The following ZNF280D variants were observed in gnomAD, a reference collection of about 807,000 sequenced individuals.
ZNF280D encodes the protein zinc finger protein 280D.
A neutral mutation model predicts 94.7 loss-of-function variants in ZNF280D; 39 were observed. The observed-to-expected ratio is 0.41, with a 90% confidence interval of 0.32 to 0.54. The LOEUF is 0.54. Among genes scored for constraint, ZNF280D ranks in the 20% least tolerant of loss-of-function variants. The probability of loss-of-function intolerance (pLI) is 0.22; values close to 1 mark genes in which losing one functional copy is unlikely to be tolerated. For synonymous variants in ZNF280D, 398 were observed against 377.6 expected, an observed-to-expected ratio of 1.05 and a Z score of -0.63; for missense variants, 1,090 against 1,149.3, an observed-to-expected ratio of 0.95 and a Z score of 0.75.
chr15:56,689,220 A>G, intron 8 of ZNF280D, 70 bp from the exon 9 acceptor site: 17 of 1,551,198 alleles, frequency 1.1e-5, no homozygotes, highest in Non-Finnish European at 1.5e-5. Flanking sequence ...CACTAATAAT[A>G]CTTTTAAAAT....
At chr15:56,718,839 A>G (rs1354142529) in intron 1 of ZNF280D, among the ~76,000 whole-genome samples, 3 of 152,180 alleles carry the variant, frequency 2.0e-5, no homozygotes, top group Non-Finnish European at 2.9e-5. Flanking sequence ...CCCTCCCAAT[A>G]GCCAAATCAA....
intron 13 of ZNF280D, among the ~76,000 whole-genome samples, chr15:56,669,644 G>T (rs2140887136): frequency 6.7e-6 from 1 of 148,528 alleles, no homozygotes; most frequent in East Asian, 2.0e-4. Flanking sequence ...CAATGTGGAT[G>T]AAGAGGCATA....
intron 1 of ZNF280D, among the ~76,000 whole-genome samples, chr15:56,723,985 T>C (rs1353819362): frequency 1.3e-5 from 2 of 152,234 alleles, no homozygotes; most frequent in African/African-American, 4.8e-5. Context: ...CACAGTATAC[T>C]GTATGTTATC....
intron 13 of ZNF280D, among the ~76,000 whole-genome samples, chr15:56,669,915 T>A (rs867057209): frequency 0.014 from 33 of 2,306 alleles, 4 homozygotes; most frequent in Admixed American, 0.078. Context: ...ATATATATAT[T>A]ATATATATAT....
chr15:56,650,198 G>A (rs1386826024), intron 19 of ZNF280D, among the ~76,000 whole-genome samples: 1 of 151,832 alleles, frequency 6.6e-6, no homozygotes, highest in Admixed American at 6.6e-5. Context: ...TAAAAAGTAG[G>A]GTGTCAATGT....
chr15:56,711,861 G>A (rs1340475226), intron 1 of ZNF280D, among the ~76,000 whole-genome samples: 3 of 152,148 alleles, frequency 2.0e-5, no homozygotes, highest in African/African-American at 7.2e-5. Flanking sequence ...AAACCTAGAT[G>A]GTATTGCCTA....
rs184484266 is a variant in ZNF280D at position 56,653,892 on chromosome 15, G to C, written c.2213+306C>G. The C allele has an allele frequency of 3.2e-6, 4 of 1,244,210 alleles. No individual in the cohort carries two copies. The African/African-American group carries it at 4.7e-5, about 15-fold the overall frequency. The allele number at this position is 1,244,210 out of a possible 1,614,324, so 77.1% of individuals were successfully genotyped here. A position where few individuals can be genotyped will look rare whatever the true frequency, so the allele number is the denominator to read the frequency against. On this transcript the variant is annotated intron_variant, in intron 19 of 21. Transcript: ENST00000267807. ...CTGACACAAAGATAAGGTGGAATAA[G>C]AATCTAGTCCCATTTGAAAGCTGAA...
At position 56,636,785 on chromosome 15, in the gene ZNF280D, A is replaced by AT. The variant is rs556705226; in HGVS notation, c.2260-1536dup. Among the ~76,000 whole-genome samples the AT allele has an allele frequency of 3.2e-4, 49 of 151,518 alleles. No individual in the cohort carries two copies. In the South Asian group the frequency reaches 8.2e-3, roughly 25 times the overall value. On this transcript the variant is annotated intron_variant, in intron 20 of 21. Transcript: ENST00000267807. Reference sequence around the variant, plus strand: ...AGGCATGTTCCACCATGCCCAACTAATTTTTTTTATTTTTAGTAGAGATGG... The same window carrying AT: ...AGGCATGTTCCACCATGCCCAACTAATTTTTTTTTATTTTTAGTAGAGATGG...
chr15:56,705,130 T>C (rs987513584), intron 3 of ZNF280D, among the ~76,000 whole-genome samples: 2 of 152,232 alleles, frequency 1.3e-5, no homozygotes, highest in East Asian at 1.9e-4. Context: ...TCTAATGTTA[T>C]AGTATAGTCC....
Position 56,708,021 on chromosome 15 carries a change from T to C in ZNF280D, c.-85-715A>G, listed in dbSNP as rs559241310. Among the ~76,000 whole-genome samples, 3 of 152,214 alleles carry C rather than the reference T, an allele frequency of 2.0e-5. No homozygotes were observed. In the South Asian group the frequency reaches 6.2e-4, roughly 32 times the overall value. On this transcript the variant is annotated intron_variant, in intron 1 of 21. Transcript: ENST00000267807. Reference sequence around the variant, plus strand: ...GAATTTCCATGCACACGCAATAGCATGAATTTTACAAAATAAACAAGCTTT... The same window carrying C: ...GAATTTCCATGCACACGCAATAGCACGAATTTTACAAAATAAACAAGCTTT...
chr15:56,684,568 T>G (rs2055867935), intron 9 of ZNF280D, among the ~76,000 whole-genome samples: 1 of 151,324 alleles, frequency 6.6e-6, no homozygotes, highest in African/African-American at 2.4e-5. Flanking sequence ...GAAGACAAAT[T>G]AGGAAGGAAT....
chr15:56,691,971 A>C (rs1157494195), intron 7 of ZNF280D, among the ~76,000 whole-genome samples: 1 of 152,180 alleles, frequency 6.6e-6, no homozygotes, highest in East Asian at 1.9e-4. Context: ...AAAAATCTTA[A>C]GAATAGAGGA....
Position 56,633,991 on chromosome 15 carries a change from A to G in ZNF280D, c.2315+1204T>C, listed in dbSNP as rs746434303. 16 of 152,116 alleles carry G rather than the reference A, an allele frequency of 1.1e-4. No individual in the cohort carries two copies. In the East Asian group the frequency reaches 1.4e-3, roughly 13 times the overall value. 9.4% of individuals were successfully genotyped at this position (152,116 alleles called of 1,614,324 possible). A position where few individuals can be genotyped will look rare whatever the true frequency, so the allele number is the denominator to read the frequency against. On this transcript the variant is annotated intron_variant, in intron 21 of 21. Coordinates refer to ENST00000267807, the MANE Select transcript of ZNF280D (RefSeq NM_017661.4). ...ATCATGGAAAATTTTGCTTTTCTTC[A>G]TCTGGATCCTGGCCATTTCTCTCTC... is the stretch of plus-strand genomic sequence containing the variant.
intron 9 of ZNF280D, among the ~76,000 whole-genome samples, chr15:56,682,984 C>T (rs1216756899): frequency 6.6e-6 from 1 of 151,956 alleles, no homozygotes; most frequent in Non-Finnish European, 1.5e-5. Flanking sequence ...GGATAATCTT[C>T]TGTCCCAAAT....
In ZNF280D at chr15:56,654,244, G is replaced by A; in HGVS notation, c.2177-10C>T. 6.2e-7 allele frequency: 1 copy of A among 1,610,050 alleles called. No individual in the cohort carries two copies. The highest frequency in any genetic ancestry group is 1.1e-5 in the South Asian group (1 of 89,600). On this transcript the variant is annotated splice_polypyrimidine_tract_variant and intron_variant, in intron 18 of 21. Transcript: ENST00000267807. ...GGGATACAAACAGAAACTGAAATTAGAAGAAAAGTTTTACATTTACAACAG... is the reference window on the plus strand; with the variant it reads ...GGGATACAAACAGAAACTGAAATTAAAAGAAAAGTTTTACATTTACAACAG...
chr15:56,661,258 T>C (rs1292822284), intron 16 of ZNF280D, among the ~76,000 whole-genome samples: 1 of 152,144 alleles, frequency 6.6e-6, no homozygotes, highest in South Asian at 2.1e-4. Flanking sequence ...TAAAAGGAGT[T>C]GAAGGAGTTG....
intron 20 of ZNF280D, among the ~76,000 whole-genome samples, chr15:56,636,554 G>A (rs1430306146): frequency 6.8e-6 from 1 of 146,640 alleles, no homozygotes; most frequent in African/African-American, 2.5e-5. Flanking sequence ...TATGATCTCA[G>A]CTCACTACAA....
intron 19 of ZNF280D, among the ~76,000 whole-genome samples, chr15:56,645,799 G>A (rs1445279320): frequency 1.3e-5 from 2 of 151,916 alleles, no homozygotes; most frequent in South Asian, 2.1e-4. Flanking sequence ...CACCTGCCTC[G>A]GCCTTCCAAA....
intron 19 of ZNF280D, chr15:56,652,755 A>G: frequency 1.0e-6 from 1 of 985,118 alleles, no homozygotes; most frequent in Non-Finnish European, 1.2e-6. Flanking sequence ...CCAATTCTTT[A>G]CACCTAAGAA....
Sources: allele counts gnomAD v4.1 joint callset (sites outside exome capture counted in the v4.1 genomes callset), GRCh38; gene constraint gnomAD v4.1.1; transcripts MANE v1.5; gene names NCBI Gene and HGNC (gene_info 2026-07-23, HGNC 2026-07-21).